The following ANKRD26 variants were observed in gnomAD, a reference collection of about 807,000 sequenced individuals.
ANKRD26 encodes ankyrin repeat domain-containing protein 26.
A neutral mutation model predicts 208.7 loss-of-function variants in ANKRD26; 141 were observed. The ratio of observed to expected loss-of-function variants is 0.68; its 90% CI spans 0.59 to 0.78. ANKRD26 has a LOEUF of 0.78. Ranked by LOEUF, ANKRD26 falls within the 30% of genes least tolerant of loss-of-function variation. The probability of loss-of-function intolerance (pLI) is 0.00; values close to 1 mark genes in which losing one functional copy is unlikely to be tolerated. For synonymous variants in ANKRD26, 636 were observed against 660.4 expected, an observed-to-expected ratio of 0.96 and a Z score of 0.57; for missense variants, 1,889 against 1,938.7, an observed-to-expected ratio of 0.97 and a Z score of 0.48.
intron 1 of ANKRD26, among the ~76,000 whole-genome samples, chr10:27,096,313 T>G (rs527333880): frequency 3.6e-4 from 55 of 152,234 alleles, no homozygotes; most frequent in African/African-American, 1.1e-3. Flanking sequence ...ACAATGCTAA[T>G]GCAAGACTGA....
intron 1 of ANKRD26, among the ~76,000 whole-genome samples, chr10:27,096,453 A>G (rs1353038964): frequency 2.0e-5 from 3 of 152,198 alleles, no homozygotes; most frequent in Non-Finnish European, 4.4e-5. Context: ...GCATAGAAGT[A>G]AAATCCTCAC....
In ANKRD26 at chr10:27,043,462, T is replaced by C. The variant is rs370486658; in HGVS notation, c.2125A>G (p.Met709Val). 4 of 1,613,958 alleles carry C rather than the reference T, an allele frequency of 2.5e-6. No individual in the cohort carries two copies. Among genetic ancestry groups the C allele is most frequent in the East Asian group, 4.5e-5 (2 of 44,864 alleles). ...ELPHSSYKNF[M>V]LLIEQLGMEC... ...ATTCCAAGTTGTTCAATGAGCAACA[T>C]AAAATTCTTGTAACTAGAGTGGGGT... The change falls in exon 20 of 34, where the codon ATG becomes GTG. Residue 709 changes from methionine (M) to valine (V), a missense_variant. This residue lies in a region of ANKRD26 where 1,272 missense variants were observed against 1,273.8 expected (regional missense o/e 1.00). Coordinates refer to ENST00000376087, the MANE Select transcript of ANKRD26 (RefSeq NM_014915.3).
chr10:27,098,379 AAAG>A (rs796531649), intron 1 of ANKRD26, among the ~76,000 whole-genome samples: 40 of 152,296 alleles, frequency 2.6e-4, no homozygotes, highest in African/African-American at 9.6e-4. Flanking sequence ...AAAAGAAAAA[AAAG>A]AAAGTGGGAA....
downstream of ANKRD26, among the ~76,000 whole-genome samples, chr10:26,991,692 C>T (rs1467250670): frequency 2.0e-5 from 3 of 152,188 alleles, no homozygotes; most frequent in Admixed American, 6.5e-5. Context: ...CCACCTGCCT[C>T]GCCCTCCCAA....
At chr10:27,025,254 T>C (rs2053622658) in intron 27 of ANKRD26, among the ~76,000 whole-genome samples, 1 of 152,168 alleles carries the variant, frequency 6.6e-6, no homozygotes, top group Non-Finnish European at 1.5e-5. Context: ...CACTGCAGCC[T>C]TGAACTCCAG....
At chr10:27,019,223 T>C (rs2053407249) in intron 29 of ANKRD26, among the ~76,000 whole-genome samples, 1 of 152,010 alleles carries the variant, frequency 6.6e-6, no homozygotes. Flanking sequence ...GAGCTTGCAG[T>C]GAGCTGAGAT....
At chr10:27,080,866 G>A (rs771661171) in intron 6 of ANKRD26, 1 of 985,430 alleles carries the variant, frequency 1.0e-6, no homozygotes, top group South Asian at 4.7e-5. Context: ...CTCCATGACT[G>A]ACTTGCCAGC....
At position 27,040,061 on chromosome 10, in the gene ANKRD26, A is replaced by C. The variant is rs1247180949; in HGVS notation, c.2279T>G (p.Val760Gly). ...AGATAGCTCCCTTTGTAGTACATTA[A>C]CCTTGTCTTCCATTTTTTTAATTTT... ...TVKIKKMEDK[V>G]NVLQRELSET... is the part of the protein sequence containing the mutation. Residue 760 changes from valine (V) to glycine (G), a missense_variant, in exon 21 of 34, where the codon GTT (valine) becomes GGT (glycine). Physicochemically the swap from Val to Gly is moderately radical, Grantham distance 109 (BLOSUM62 -3). Transcript: ENST00000376087. 5.6e-6 allele frequency: 9 copies of C among 1,613,418 alleles called. No individual in the cohort carries two copies. Among genetic ancestry groups the C allele is most frequent in the Non-Finnish European group, 6.8e-6 (8 of 1,179,766 alleles).
downstream of ANKRD26, among the ~76,000 whole-genome samples, chr10:26,969,430 T>C (rs2052112760): frequency 1.3e-5 from 2 of 152,218 alleles, no homozygotes; most frequent in Admixed American, 6.5e-5. Context: ...ATCAAAACCA[T>C]AGCAAAGCTG....
At chr10:27,042,124 C>A (rs1230886965) in intron 20 of ANKRD26, among the ~76,000 whole-genome samples, 1 of 151,706 alleles carries the variant, frequency 6.6e-6, no homozygotes, top group Non-Finnish European at 1.5e-5. Context: ...TGGAACACAA[C>A]AGAGTCGAGA....
chr10:27,037,678 T>C (rs1458037312), intron 22 of ANKRD26, among the ~76,000 whole-genome samples, 193 bp downstream of exon 22: 1 of 152,174 alleles, frequency 6.6e-6, no homozygotes, highest in African/African-American at 2.4e-5. Context: ...CATTCCTTCA[T>C]TCAGAAAACA....
chr10:27,063,057 C>T (rs1476999401), intron 12 of ANKRD26, among the ~76,000 whole-genome samples: 1 of 152,072 alleles, frequency 6.6e-6, no homozygotes, highest in Non-Finnish European at 1.5e-5. Context: ...CGTGCCCAGC[C>T]TGATGTAACA....
chr10:27,086,730 C>T, intron 4 of ANKRD26, 121 bp from the exon 5 acceptor site: 1 of 1,113,558 alleles, frequency 9.0e-7, no homozygotes. Flanking sequence ...TTTAATTATC[C>T]CATACACTTC....
intron 5 of ANKRD26, among the ~76,000 whole-genome samples, chr10:26,979,391 C>T (rs911506061): frequency 6.6e-6 from 1 of 152,112 alleles, no homozygotes; most frequent in Non-Finnish European, 1.5e-5. Context: ...GGCTGGTCCA[C>T]AAAACAGACA....
rs1473711183 is a variant in ANKRD26, at chr10:27,041,778, G to A, written c.2162-1600C>T. ...AATATATAAGCCCCCAAAGAGGAAG[G>A]AAGAGAGACAGAAAAAAAATGTGAA... On this transcript the variant is annotated intron_variant, in intron 20 of 33. Coordinates refer to ENST00000376087, the MANE Select transcript of ANKRD26 (RefSeq NM_014915.3). 2.0e-5 allele frequency among the ~76,000 whole-genome samples: 3 copies of A among 151,980 alleles called. No individual in the cohort carries two copies. The East Asian group carries it at 5.8e-4, about 29-fold the overall frequency.
downstream of ANKRD26, among the ~76,000 whole-genome samples, chr10:26,971,170 G>A (rs1455989605): frequency 6.6e-6 from 1 of 152,186 alleles, no homozygotes; most frequent in Admixed American, 6.5e-5. Flanking sequence ...TATCACTTGA[G>A]CTCAGGAGTT....
intron 1 of ANKRD26, among the ~76,000 whole-genome samples, chr10:27,099,252 A>C (rs1344967065): frequency 6.6e-6 from 1 of 152,046 alleles, no homozygotes; most frequent in Non-Finnish European, 1.5e-5. Context: ...TGGTCTCCTA[A>C]AATGCTGGGT....
downstream of ANKRD26, among the ~76,000 whole-genome samples, chr10:27,000,750 T>C (rs2052703928): frequency 6.6e-6 from 1 of 152,188 alleles, no homozygotes; most frequent in Non-Finnish European, 1.5e-5. Context: ...ACACCTGTAA[T>C]CCCAGCACTT....
rs759655658 is a variant in ANKRD26 at position 27,022,570 on chromosome 10, C to T, written c.4203G>A (p.Lys1401=). The T allele has an allele frequency of 7.8e-6, 12 of 1,531,236 alleles. No individual in the cohort carries two copies. Among genetic ancestry groups the T allele is most frequent in the Non-Finnish European group, 1.1e-5 (12 of 1,113,192 alleles). 94.9% of individuals were successfully genotyped at this position (1,531,236 alleles called of 1,614,324 possible). A position where few individuals can be genotyped will look rare whatever the true frequency, so the allele number is the denominator to read the frequency against. Residue 1401 remains lysine, a synonymous_variant, in exon 29 of 34, where the codon AAG becomes AAA. Coordinates refer to ENST00000376087, the MANE Select transcript of ANKRD26 (RefSeq NM_014915.3). The part of the protein sequence containing the change: ...SQFEMDIQIN[K]LKHKIDDLTA... ...TATTAAAAATTACCTTATGTTTTAG[C>T]TTATTAATCTGAATATCCATTTCAA...
Sources: allele counts gnomAD v4.1 joint callset (sites outside exome capture counted in the v4.1 genomes callset), GRCh38; gene constraint gnomAD v4.1.1; regional missense constraint gnomAD v4.1.1; transcripts MANE v1.5; gene names NCBI Gene and HGNC (gene_info 2026-07-23, HGNC 2026-07-21).